ZNF587B: variants seen among roughly 807,000 people sequenced by gnomAD.
The protein encoded by ZNF587B is zinc finger protein 587B.
ZNF587B carries 6 observed loss-of-function variants against 7.2 expected under a neutral mutation model. The ratio of observed to expected loss-of-function variants is 0.83; its 90% CI spans 0.46 to 1.65. The LOEUF is 1.65. ZNF587B is among the 40% of genes most tolerant of loss of function. ZNF587B has a pLI of 0.01. For missense variants in ZNF587B, 749 were observed against 761.0 expected (o/e 0.98, Z 0.19); for synonymous variants, 274 against 254.3 (o/e 1.08, Z -0.74).
At chr19:57,831,766 G>A (rs1454843708) in intron 1 of ZNF587B, among the ~76,000 whole-genome samples, 3 of 150,250 alleles carry the variant, frequency 2.0e-5, no homozygotes, top group Non-Finnish European at 4.4e-5. Flanking sequence ...GTACAGTGGC[G>A]TGATCTCGGC....
In ZNF587B at chr19:57,844,939, T is replaced by C. The variant is rs563763771; in HGVS notation, c.*2363T>C. 6.6e-6 allele frequency: 1 copy of C among 152,292 alleles called. No individual in the cohort carries two copies. Among genetic ancestry groups the C allele is most frequent in the South Asian group, 2.1e-4 (1 of 4,824 alleles). The allele number at this position is 152,292 out of a possible 1,614,324, so 9.4% of individuals were successfully genotyped here. A position where few individuals can be genotyped will look rare whatever the true frequency, so the allele number is the denominator to read the frequency against. On this transcript the variant is annotated 3_prime_UTR_variant, in exon 3 of 3. Transcript: ENST00000594901. ...TATGGTTACTTAGTTACTGCATTTA[T>C]AGTCAGCAGAGGGGACAGCAATAAA... is the stretch of plus-strand genomic sequence containing the variant.
In ZNF587B at chr19:57,842,091, A is replaced by T. The variant is rs1229668474; in HGVS notation, c.1417A>T (p.Lys473Ter). ...GCCTTATATGTGTTGGGAATGTGGA[A>T]AATTATTTAAGAAGAAGTCTCACCT... ...KRPYMCWECGKLFKKKSHLLV... is the reference protein window; with the variant it reads ...KRPYMCWECG Residue 473 changes from lysine to a stop codon, truncating the protein, a stop_gained, in exon 3 of 3, where the codon AAA (lysine) becomes TAA (stop). Transcript: ENST00000594901. LOFTEE classifies it low-confidence loss of function (END_TRUNC). 6.3e-7 allele frequency: 1 copy of T among 1,596,848 alleles called. No homozygotes were observed. Among genetic ancestry groups the T allele is most frequent in the South Asian group, 1.1e-5 (1 of 89,448 alleles).
chr19:57,832,490 A>G (rs1173923758), intron 1 of ZNF587B, among the ~76,000 whole-genome samples: 5 of 152,146 alleles, frequency 3.3e-5, no homozygotes, highest in African/African-American at 7.2e-5. Context: ...CAAAATAGCT[A>G]TCTTGAATTA....
chr19:57,842,280 G>T lies in ZNF587B; in HGVS notation c.1606G>T (p.Ala536Ser). 6.2e-7 allele frequency: 1 copy of T among 1,612,840 alleles called. No homozygotes were observed. The highest frequency in any genetic ancestry group is 1.1e-5 in the South Asian group (1 of 90,946). The stretch of plus-strand genomic sequence containing the variant: ...TGGGAAGTCATTTACCCACAGCTGT[G>T]CATTCATTGTTCATAAGAGAGTTCA... Reference protein sequence around the residue: ...DCGKSFTHSCAFIVHKRVHTG... With the variant: ...DCGKSFTHSCSFIVHKRVHTG... Residue 536 changes from alanine (A) to serine (S), a missense_variant, in exon 3 of 3, where the codon GCA becomes TCA. Ala to Ser is a moderately conservative substitution (Grantham distance 99, BLOSUM62 1). Coordinates refer to ENST00000594901, the MANE Select transcript of ZNF587B (RefSeq NM_001376223.1).
rs1435604040 is a variant in ZNF587B, at chr19:57,839,221, C to T, written c.163+72C>T. 4 of 1,590,430 alleles carry T rather than the reference C, an allele frequency of 2.5e-6. No homozygotes were observed. The African/African-American group carries it at 4.0e-5, about 16-fold the overall frequency. On this transcript the variant is annotated intron_variant, in intron 2 of 2. Coordinates refer to ENST00000594901, the MANE Select transcript of ZNF587B (RefSeq NM_001376223.1). Reference sequence around the variant, plus strand: ...CCCCTGTCTTTCCCCATTGGCAAGACTTTCTCATGTCAGGAGCATGGACAC... The same window carrying T: ...CCCCTGTCTTTCCCCATTGGCAAGATTTTCTCATGTCAGGAGCATGGACAC...
At chr19:57,837,210 T>C (rs972112427) in intron 1 of ZNF587B, among the ~76,000 whole-genome samples, 9 of 152,032 alleles carry the variant, frequency 5.9e-5, no homozygotes, top group African/African-American at 2.2e-4. Flanking sequence ...CCCATGTGGC[T>C]CTTTGTGGTG....
chr19:57,845,041 A>G lies in ZNF587B; in HGVS notation c.*2465A>G, dbSNP rs1326106083. ...ACCCAGGCTAGAGTGCTGTTGCACC[A>G]TCTCGGCTCACTGCAACCTGTGCCT... On this transcript the variant is annotated 3_prime_UTR_variant, in exon 3 of 3. Coordinates refer to ENST00000594901, the MANE Select transcript of ZNF587B (RefSeq NM_001376223.1). The G allele has an allele frequency of 2.6e-5, 4 of 151,526 alleles. No individual in the cohort carries two copies. The highest frequency in any genetic ancestry group is 2.6e-4 in the Admixed American group (4 of 15,202). 9.4% of individuals were successfully genotyped at this position (151,526 alleles called of 1,614,324 possible). A position where few individuals can be genotyped will look rare whatever the true frequency, so the allele number is the denominator to read the frequency against.
rs202075425 is a variant in ZNF587B at position 57,841,394 on chromosome 19, A to G, written c.720A>G (p.Glu240=). 686 of 1,584,750 alleles carry G rather than the reference A, an allele frequency of 4.3e-4. No homozygotes were observed. The highest frequency in any genetic ancestry group is 5.3e-4 in the Non-Finnish European group (619 of 1,163,472). The change falls in exon 3 of 3, where the codon GAA becomes GAG. Residue 240 remains glutamate (E), a synonymous_variant. Coordinates refer to ENST00000594901, the MANE Select transcript of ZNF587B (RefSeq NM_001376223.1). ...SQHQRLLPRE[E]CYVCCECGKS... is the part of the protein sequence containing the mutation. ...ACCAGAGACTTCTCCCTCGAGAAGA[A>G]TGTTATGTGTGCTGTGAATGTGGGA...
Position 57,842,166 on chromosome 19 carries a change from G to T in ZNF587B, c.1492G>T (p.Ala498Ser). 1 of 1,612,958 alleles carries T rather than the reference G, an allele frequency of 6.2e-7. No individual in the cohort carries two copies. The highest frequency in any genetic ancestry group is 8.5e-7 in the Non-Finnish European group (1 of 1,179,538). Residue 498 changes from alanine to serine, a missense_variant, in exon 3 of 3, where the codon GCT (alanine) becomes TCT (serine). By Grantham distance (99) the Ala-to-Ser change is moderately conservative. This residue lies in a region of ZNF587B where 656 missense variants were observed against 596.5 expected (regional missense o/e 1.10). Coordinates refer to ENST00000594901, the MANE Select transcript of ZNF587B (RefSeq NM_001376223.1). ...TGGAGAGAAGCCATATGCTTGTGAG[G>T]CTTGTCAGAAATTTTTTAGGCACAA... ...HSGEKPYACEACQKFFRHKCH... is the reference protein window; with the variant it reads ...HSGEKPYACESCQKFFRHKCH...
chr19:57,842,444 C>T lies in ZNF587B; in HGVS notation c.1770C>T (p.Ile590=), dbSNP rs758292731. Residue 590 remains isoleucine (I), a synonymous_variant, in exon 3 of 3, where the codon ATC becomes ATT. Coordinates refer to ENST00000594901, the MANE Select transcript of ZNF587B (RefSeq NM_001376223.1). ...CSECGKSFAG[I]SSLTNHRRVH... is the part of the protein sequence containing the mutation. ...AATGTGGGAAATCTTTTGCTGGAAT[C>T]TCCAGTCTCACTAATCACAGGAGAG... 6.2e-7 allele frequency: 1 copy of T among 1,602,990 alleles called. No homozygotes were observed. Among genetic ancestry groups the T allele is most frequent in the Non-Finnish European group, 8.5e-7 (1 of 1,175,296 alleles).
chr19:57,832,248 G>A (rs1211005161), intron 1 of ZNF587B, among the ~76,000 whole-genome samples: 4 of 151,902 alleles, frequency 2.6e-5, no homozygotes, highest in Non-Finnish European at 4.4e-5. Flanking sequence ...TACTATGCCC[G>A]GCTTATTTTT....
chr19:57,838,946 T>C (rs375788752), intron 1 of ZNF587B, 77 bp from the exon 2 acceptor site: 1 of 1,507,820 alleles, frequency 6.6e-7, no homozygotes, highest in South Asian at 1.2e-5. Flanking sequence ...TGTGCGAGAG[T>C]AGATGTGTGG....
In ZNF587B at chr19:57,841,944, C is replaced by G; in HGVS notation, c.1270C>G (p.His424Asp). Reference protein sequence around the residue: ...DCGKSFNEKGHLRSHQRVHTT... With the variant: ...DCGKSFNEKGDLRSHQRVHTT... ...TGGGAAATCTTTTAATGAAAAAGGA[C>G]ACCTTAGGAGTCATCAGCGAGTTCA... The change falls in exon 3 of 3, where the codon CAC (histidine) becomes GAC (aspartate). Residue 424 changes from histidine (H) to aspartate (D), a missense_variant. This residue lies in a region of ZNF587B where 656 missense variants were observed against 596.5 expected (regional missense o/e 1.10). Transcript: ENST00000594901. 1 of 1,612,986 alleles carries G rather than the reference C, an allele frequency of 6.2e-7. No homozygotes were observed. The highest frequency in any genetic ancestry group is 8.5e-7 in the Non-Finnish European group (1 of 1,179,542).
At position 57,842,988 on chromosome 19, in the gene ZNF587B, A is replaced by T. The variant is rs1293245629; in HGVS notation, c.*412A>T. 3 of 984,560 alleles carry T rather than the reference A, an allele frequency of 3.0e-6. No individual in the cohort carries two copies. The African/African-American group carries it at 5.2e-5, about 17-fold the overall frequency. 61.0% of individuals were successfully genotyped at this position (984,560 alleles called of 1,614,324 possible). On this transcript the variant is annotated 3_prime_UTR_variant, in exon 3 of 3. Transcript: ENST00000594901. ...AGATGTATAGGTTAGATATATAGGG[A>T]ATGTTATTATTTTTTCCTTTTTTTG...
At chr19:57,839,527 A>G (rs1296358770) in intron 2 of ZNF587B, among the ~76,000 whole-genome samples, 1 of 152,178 alleles carries the variant, frequency 6.6e-6, no homozygotes, top group African/African-American at 2.4e-5. Context: ...ATCACTGCCT[A>G]TATAGACCAG....
Position 57,843,908 on chromosome 19 carries a change from A to T in ZNF587B, c.*1332A>T, listed in dbSNP as rs1317563825. Among the ~76,000 whole-genome samples, 1 of 151,920 alleles carries T rather than the reference A, an allele frequency of 6.6e-6. No individual in the cohort carries two copies. Among genetic ancestry groups the T allele is most frequent in the African/African-American group, 2.4e-5 (1 of 41,386 alleles). On this transcript the variant is annotated 3_prime_UTR_variant, in exon 3 of 3. Transcript: ENST00000594901. ...GCCTCTGCTTCTGGCCTTTTTAAAA[A>T]TTTTTTAAATTTATATTTTTTGTAG...
intron 1 of ZNF587B, among the ~76,000 whole-genome samples, chr19:57,838,467 G>A (rs188472219): frequency 6.6e-6 from 1 of 152,012 alleles, no homozygotes; most frequent in Non-Finnish European, 1.5e-5. Context: ...CAGATGTGGT[G>A]GCGGGTGCCT....
rs1988735161 is a variant in ZNF587B at position 57,838,929 on chromosome 19, A to T, written c.37-94A>T. 8 of 1,443,218 alleles carry T rather than the reference A, an allele frequency of 5.5e-6. No homozygotes were observed. The Admixed American group carries it at 1.6e-4, about 28-fold the overall frequency. 89.4% of individuals were successfully genotyped at this position (1,443,218 alleles called of 1,614,324 possible). On this transcript the variant is annotated intron_variant, in intron 1 of 2. Coordinates refer to ENST00000594901, the MANE Select transcript of ZNF587B (RefSeq NM_001376223.1). ...TTCTCCTATGTTTGAGGACCTTGAG[A>T]GGAGGATGTGCGAGAGTAGATGTGT...
At position 57,843,750 on chromosome 19, in the gene ZNF587B, T is replaced by C. The variant is rs1367885387; in HGVS notation, c.*1174T>C. 1.3e-5 allele frequency among the ~76,000 whole-genome samples: 2 copies of C among 151,738 alleles called. No individual in the cohort carries two copies. The highest frequency in any genetic ancestry group is 4.8e-5 in the African/African-American group (2 of 41,286). ...CTGAGTAGCTGGGATTACAGGTGCC[T>C]GCCACCACACCCAGGTAATTTTTGT... On this transcript the variant is annotated 3_prime_UTR_variant, in exon 3 of 3. Transcript: ENST00000594901.
Sources: allele counts gnomAD v4.1 joint callset (sites outside exome capture counted in the v4.1 genomes callset), GRCh38; gene constraint gnomAD v4.1.1; regional missense constraint gnomAD v4.1.1; transcripts MANE v1.5; gene names NCBI Gene and HGNC (gene_info 2026-07-23, HGNC 2026-07-21).